The following ASTN2 variants were observed in gnomAD, a reference collection of about 807,000 sequenced individuals.
The protein encoded by ASTN2 is astrotactin-2.
ASTN2 carries 54 observed loss-of-function variants against 139.8 expected under a neutral mutation model. The observed-to-expected ratio is 0.39, with a 90% CI of 0.31 to 0.48. The LOEUF (loss-of-function observed/expected upper bound fraction) is 0.48, where lower values mean the gene tolerates loss of function less well. Ranked by LOEUF, ASTN2 falls within the 20% of genes least tolerant of loss-of-function variation. The pLI is 0.95. For missense variants in ASTN2, 1,565 were observed against 1,725.1 expected (o/e 0.91, Z 1.64); for synonymous variants, 756 against 719.5 (o/e 1.05, Z -0.81).
intron 7 of ASTN2, among the ~76,000 whole-genome samples, chr9:116,986,170 A>ACCC (rs1836676276): frequency 2.8e-5 from 2 of 70,538 alleles, no homozygotes; most frequent in South Asian, 5.4e-4. Flanking sequence ...GCCCCCCCCC[A>ACCC]CCCCCCTGCA....
chr9:117,370,349 T>C (rs1354336033), intron 1 of ASTN2, among the ~76,000 whole-genome samples: 1 of 152,180 alleles, frequency 6.6e-6, no homozygotes, highest in Non-Finnish European at 1.5e-5. Flanking sequence ...TGTTTCTCCC[T>C]GGCCCAGCAA....
chr9:117,157,554 A>T (rs144159477), intron 3 of ASTN2, among the ~76,000 whole-genome samples: 222 of 152,212 alleles, frequency 1.5e-3, no homozygotes, highest in African/African-American at 5.1e-3. Flanking sequence ...GCCAAGTCAG[A>T]TCTATCTGTC....
chr9:117,200,730 T>C (rs540529681), intron 3 of ASTN2, among the ~76,000 whole-genome samples: 1 of 152,300 alleles, frequency 6.6e-6, no homozygotes, highest in South Asian at 2.1e-4. Flanking sequence ...TCATGGTGGA[T>C]AAGTTTTTTG....
intron 5 of ASTN2, among the ~76,000 whole-genome samples, chr9:117,095,048 AC>A (rs1828805622): frequency 6.6e-6 from 1 of 152,156 alleles, no homozygotes; most frequent in Non-Finnish European, 1.5e-5. Context: ...TACCCCAGCT[AC>A]TTCTCAGCAC....
At chr9:117,052,085 G>T (rs1002397798) in intron 5 of ASTN2, among the ~76,000 whole-genome samples, 1 of 152,100 alleles carries the variant, frequency 6.6e-6, no homozygotes, top group Middle Eastern at 3.2e-3. Flanking sequence ...TTGACCTTCA[G>T]TAAGTCCCAT....
At chr9:117,156,256 T>G (rs1403017899) in intron 3 of ASTN2, among the ~76,000 whole-genome samples, 1 of 152,062 alleles carries the variant, frequency 6.6e-6, no homozygotes, top group Non-Finnish European at 1.5e-5. Context: ...AGACATCTGC[T>G]AAAGGGTTTT....
chr9:116,681,719 C>T (rs982985467), intron 16 of ASTN2, among the ~76,000 whole-genome samples: 5 of 152,080 alleles, frequency 3.3e-5, no homozygotes, highest in Admixed American at 1.3e-4. Context: ...GAAATAACAC[C>T]GCATATCTAC....
At chr9:117,220,222 G>A (rs1452825724) in intron 2 of ASTN2, among the ~76,000 whole-genome samples, 1 of 151,986 alleles carries the variant, frequency 6.6e-6, no homozygotes, top group East Asian at 1.9e-4. Context: ...GCTTCCTGGG[G>A]TCCTTAAAAT....
intron 4 of ASTN2, among the ~76,000 whole-genome samples, chr9:117,138,426 G>A (rs547548648): frequency 3.1e-4 from 47 of 152,330 alleles, no homozygotes; most frequent in African/African-American, 5.8e-4. Flanking sequence ...TTGGTGAAAC[G>A]TGAAGGAAGC....
chr9:116,966,643 C>T (rs987382171), intron 10 of ASTN2, among the ~76,000 whole-genome samples: 1 of 151,626 alleles, frequency 6.6e-6, no homozygotes, highest in Non-Finnish European at 1.5e-5. Flanking sequence ...AGAGTACGTC[C>T]ACCTGGGAGG....
At chr9:116,794,093 C>CA (rs1199789171) in intron 13 of ASTN2, among the ~76,000 whole-genome samples, 2 of 137,678 alleles carry the variant, frequency 1.5e-5, no homozygotes, top group African/African-American at 5.2e-5. Context: ...CAAAAATAAA[C>CA]ACCTTTTTTT....
At chr9:116,801,585 C>CAAAAAAAAAAAAAAAAAAAAAAAAAAAAA (rs397893932) in intron 13 of ASTN2, among the ~76,000 whole-genome samples, 3 of 60,366 alleles carry the variant, frequency 5.0e-5, no homozygotes, top group Admixed American at 5.4e-4. Flanking sequence ...GGCTCTGTCT[C>CAAAAAAAAAAAAAAAAAAAAAAAAAAAAA]AAAAAAAAAA....
At position 117,112,531 on chromosome 9, in the gene ASTN2, G is replaced by T; in HGVS notation, c.1169-16380C>A. ...TCAAAGGAACGTCTTTTCAATAAAT[G>T]GTGCTGGAACAACTGGAGAGCCATA... On this transcript the variant is annotated intron_variant, in intron 4 of 22. Coordinates refer to ENST00000313400, the MANE Select transcript of ASTN2 (RefSeq NM_001365068.1). Among the ~76,000 whole-genome samples the T allele has an allele frequency of 1.3e-5, 2 of 152,062 alleles. 1 individual carries two copies. The highest frequency in any genetic ancestry group is 2.9e-5 in the Non-Finnish European group (2 of 67,978).
At chr9:117,024,456 C>T (rs944320585) in intron 6 of ASTN2, among the ~76,000 whole-genome samples, 2 of 151,854 alleles carry the variant, frequency 1.3e-5, no homozygotes, top group Non-Finnish European at 2.9e-5. Context: ...GGGAACAGAT[C>T]TAAATATACT....
chr9:117,142,108 C>T (rs1830089142), intron 3 of ASTN2, among the ~76,000 whole-genome samples: 2 of 152,102 alleles, frequency 1.3e-5, no homozygotes, highest in Non-Finnish European at 2.9e-5. Context: ...ATGGTAGTTA[C>T]AAGAGAGCTT....
chr9:117,009,384 T>C (rs1191867145), intron 6 of ASTN2, among the ~76,000 whole-genome samples: 1 of 152,150 alleles, frequency 6.6e-6, no homozygotes, highest in African/African-American at 2.4e-5. Context: ...ATGCACATGT[T>C]CACACACATA....
intron 13 of ASTN2, among the ~76,000 whole-genome samples, chr9:116,773,477 A>G (rs1200795137): frequency 6.6e-6 from 1 of 152,208 alleles, no homozygotes; most frequent in East Asian, 1.9e-4. Flanking sequence ...TGGTAGCTTA[A>G]TAACAGGAAA....
chr9:117,313,360 G>A (rs946664005), intron 1 of ASTN2, among the ~76,000 whole-genome samples: 2 of 152,154 alleles, frequency 1.3e-5, no homozygotes, highest in Non-Finnish European at 2.9e-5. Flanking sequence ...GTCAGACAAG[G>A]TCTTCTGCTG....
chr9:116,936,230 CCA>C (rs1835077891), intron 10 of ASTN2, among the ~76,000 whole-genome samples: 2 of 136,736 alleles, frequency 1.5e-5, no homozygotes, highest in Non-Finnish European at 3.3e-5. Flanking sequence ...ACCACTACCA[CCA>C]TCACCACCAC....
Sources: allele counts gnomAD v4.1 joint callset (sites outside exome capture counted in the v4.1 genomes callset), GRCh38; gene constraint gnomAD v4.1.1; transcripts MANE v1.5; gene names NCBI Gene and HGNC (gene_info 2026-07-23, HGNC 2026-07-21).